The following INO80 variants were observed in gnomAD, a reference collection of about 807,000 sequenced individuals.
INO80 encodes the protein INO80 complex ATPase subunit.
In INO80, 20 loss-of-function variants were observed where a neutral mutation model predicts 203.4. The observed-to-expected ratio is 0.10, with a 90% CI of 0.07 to 0.14. The LOEUF (loss-of-function observed/expected upper bound fraction) is 0.14, where lower values mean the gene tolerates loss of function less well. Among genes scored for constraint, INO80 ranks in the 10% least tolerant of loss-of-function variants. The pLI is 1.00. For synonymous variants in INO80, 726 were observed against 685.2 expected (o/e 1.06, Z -0.93); for missense variants, 1,419 against 1,914.4 (o/e 0.74, Z 4.83).
rs572603694 is a variant in INO80, at chr15:41,033,983, A to C, written c.2908-6247T>G. On this transcript the variant is annotated intron_variant, in intron 24 of 35. Transcript: ENST00000648947. ...AGGCTGAGGCAGGAGAATGGCGTGA[A>C]CCTGGGAGGCAGAGCTTGCAGTGAG... is the stretch of plus-strand genomic sequence containing the variant. Among the ~76,000 whole-genome samples, 88 of 152,234 alleles carry C rather than the reference A, an allele frequency of 5.8e-4. 1 individual carries two copies. Among genetic ancestry groups the C allele is most frequent in the African/African-American group, 2.1e-3 (86 of 41,548 alleles).
intron 11 of INO80, among the ~76,000 whole-genome samples, chr15:41,072,524 T>A (rs2045338008): frequency 6.7e-6 from 1 of 150,248 alleles, no homozygotes; most frequent in Admixed American, 6.7e-5. Flanking sequence ...ATCGAGACCA[T>A]CCTGGCCAAC....
intron 27 of INO80, among the ~76,000 whole-genome samples, chr15:41,006,682 G>T (rs1475199454): frequency 6.6e-6 from 1 of 152,238 alleles, no homozygotes; most frequent in Non-Finnish European, 1.5e-5. Context: ...CTTAGATGGA[G>T]TGAGTGCCAA....
At chr15:41,023,202 G>T in intron 25 of INO80, 1 of 448,846 alleles carries the variant, frequency 2.2e-6, no homozygotes, top group Non-Finnish European at 4.5e-6. Context: ...AATAAATATG[G>T]ACCAAAAGAA....
intron 1 of INO80, among the ~76,000 whole-genome samples, chr15:41,110,895 C>G (rs1218917559): frequency 1.3e-5 from 2 of 152,096 alleles, no homozygotes; most frequent in Admixed American, 6.6e-5. Flanking sequence ...ATTTATATAA[C>G]TGGTTATGTG....
intron 6 of INO80, among the ~76,000 whole-genome samples, chr15:41,086,612 C>G (rs924759589): frequency 6.0e-5 from 9 of 150,464 alleles, no homozygotes; most frequent in African/African-American, 2.2e-4. Context: ...GATCACGCCA[C>G]TGCACTCCAG....
At chr15:41,048,340 T>C (rs1396505586) in intron 21 of INO80, 64 bp from the exon 22 acceptor site, 5 of 1,241,698 alleles carry the variant, frequency 4.0e-6, no homozygotes, top group Non-Finnish European at 5.9e-6. Flanking sequence ...TTAACTAGAC[T>C]AGAGGTTCCA....
At chr15:41,100,411 C>T (rs1038927886) in intron 1 of INO80, among the ~76,000 whole-genome samples, 1 of 152,154 alleles carries the variant, frequency 6.6e-6, no homozygotes, top group Non-Finnish European at 1.5e-5. Context: ...TCCTCAGTAC[C>T]TATGTGAGTA....
Position 41,087,629 on chromosome 15 carries a change from G to C in INO80, c.591C>G (p.Phe197Leu). 3 of 1,613,856 alleles carry C rather than the reference G, an allele frequency of 1.9e-6. No individual in the cohort carries two copies. The highest frequency in any genetic ancestry group is 2.5e-6 in the Non-Finnish European group (3 of 1,179,934). Residue 197 changes from phenylalanine to leucine, a missense_variant, in exon 6 of 36, where the codon TTC (phenylalanine) becomes TTG (leucine). By Grantham distance (22) the Phe-to-Leu change is conservative. This residue lies in a region of INO80 where 323 missense variants were observed against 325.4 expected (regional missense o/e 0.99). Coordinates refer to ENST00000648947, the MANE Select transcript of INO80 (RefSeq NM_017553.3). ...CAAGTAGGTGCCGTTGTTGCTCATA[G>C]AAAGGGTCATATGTGGAGAGCAGGC... ...SAGLLSTYDP[F>L]YEQQRHLLGP...
chr15:40,982,686 G>A (rs988429089), intron 35 of INO80, among the ~76,000 whole-genome samples, 176 bp downstream of exon 35: 6 of 152,162 alleles, frequency 3.9e-5, no homozygotes, highest in African/African-American at 7.2e-5. Flanking sequence ...GCCCTGTACC[G>A]TCAGGAGGGC....
At chr15:41,021,942 A>T (rs2044300745) in intron 25 of INO80, among the ~76,000 whole-genome samples, 1 of 152,252 alleles carries the variant, frequency 6.6e-6, no homozygotes, top group South Asian at 2.1e-4. Context: ...GATACCTGTG[A>T]AGTCAACTGG....
chr15:41,056,928 G>C (rs763739829), intron 16 of INO80, among the ~76,000 whole-genome samples: 1 of 152,086 alleles, frequency 6.6e-6, no homozygotes, highest in Non-Finnish European at 1.5e-5. Flanking sequence ...TTTGGATTTA[G>C]AAAAAAATAG....
In INO80 at chr15:41,048,286, A is replaced by T. The variant is rs768139731; in HGVS notation, c.2577-10T>A. On this transcript the variant is annotated splice_polypyrimidine_tract_variant and intron_variant, in intron 21 of 35. Coordinates refer to ENST00000648947, the MANE Select transcript of INO80 (RefSeq NM_017553.3). ...AAGAACCCTTAACCACCTGCAAAGT[A>T]AGTAAATAAAATAAAGCCAAACCCA... 6.2e-7 allele frequency: 1 copy of T among 1,605,150 alleles called. No individual in the cohort carries two copies.
chr15:41,066,300 G>A (rs2045212840), intron 14 of INO80, among the ~76,000 whole-genome samples: 2 of 151,834 alleles, frequency 1.3e-5, no homozygotes. Flanking sequence ...AGCTTGGTCT[G>A]CAGGCATGCA....
rs2044479842 is a variant in INO80, at chr15:41,031,875, G to A, written c.2908-4139C>T. On this transcript the variant is annotated intron_variant, in intron 24 of 35. Coordinates refer to ENST00000648947, the MANE Select transcript of INO80 (RefSeq NM_017553.3). ...CAAAAGTCTCAAGTGAAAATAAATA[G>A]GCCAGGATGACAGGCTCCATAGCTG... is the stretch of plus-strand genomic sequence containing the variant. 2.0e-5 allele frequency among the ~76,000 whole-genome samples: 3 copies of A among 151,944 alleles called. No homozygotes were observed. The South Asian group carries it at 6.2e-4, about 31-fold the overall frequency.
chr15:41,055,690 A>T (rs2044970203), intron 17 of INO80, among the ~76,000 whole-genome samples: 1 of 152,206 alleles, frequency 6.6e-6, no homozygotes. Context: ...ATTGAACACA[A>T]CCTAAGGTAT....
At chr15:41,094,140 G>C (rs1299606506) in intron 4 of INO80, among the ~76,000 whole-genome samples, 1 of 152,186 alleles carries the variant, frequency 6.6e-6, no homozygotes, top group Non-Finnish European at 1.5e-5. Flanking sequence ...GCCACTGACA[G>C]TAATCTTGTA....
chr15:41,008,501 T>C (rs1241893936), intron 27 of INO80, among the ~76,000 whole-genome samples: 3 of 152,220 alleles, frequency 2.0e-5, no homozygotes, highest in Admixed American at 6.5e-5. Context: ...GGAGATCTAA[T>C]GTACATCATG....
At chr15:41,046,518 G>A (rs1196102371) in intron 23 of INO80, among the ~76,000 whole-genome samples, 1 of 150,858 alleles carries the variant, frequency 6.6e-6, no homozygotes, top group African/African-American at 2.4e-5. Context: ...GAGCCACTGC[G>A]CCTGGCCTAT....
At chr15:41,115,369 T>G (rs535571801) in intron 1 of INO80, among the ~76,000 whole-genome samples, 1 of 152,322 alleles carries the variant, frequency 6.6e-6, no homozygotes, top group South Asian at 2.1e-4. Flanking sequence ...AGGATGACAC[T>G]TTCCTAGTCG....
Sources: allele counts gnomAD v4.1 joint callset (sites outside exome capture counted in the v4.1 genomes callset), GRCh38; gene constraint gnomAD v4.1.1; regional missense constraint gnomAD v4.1.1; transcripts MANE v1.5; gene names NCBI Gene and HGNC (gene_info 2026-07-23, HGNC 2026-07-21).